Variants in LPAR1 observed in about 807,000 individuals in gnomAD.
The protein encoded by LPAR1 is lysophosphatidic acid receptor 1.
Under a neutral mutation model 23.8 loss-of-function variants are expected in LPAR1, and 5 were observed. That is an observed-to-expected ratio of 0.21 (90% CI 0.11 to 0.44). The LOEUF is 0.44. Among genes scored for constraint, LPAR1 ranks in the 20% least tolerant of loss-of-function variants. The pLI, the probability that LPAR1 is intolerant of heterozygous loss-of-function variation, is 0.99. For missense variants in LPAR1, 311 were observed against 482.8 expected (o/e 0.64, Z 3.33); for synonymous variants, 160 against 164.7 (o/e 0.97, Z 0.22).
At chr9:110,899,626 C>T (rs1401862246) in intron 5 of LPAR1, among the ~76,000 whole-genome samples, 1 of 152,130 alleles carries the variant, frequency 6.6e-6, no homozygotes, top group Non-Finnish European at 1.5e-5. Flanking sequence ...AATGTGTACA[C>T]GAATCACCCA....
chr9:111,005,575 A>AAAAAAAAAG (rs1564316925), intron 2 of LPAR1, among the ~76,000 whole-genome samples: 8 of 131,534 alleles, frequency 6.1e-5, no homozygotes, highest in African/African-American at 2.6e-4. Flanking sequence ...AAAAAAAAAA[A>AAAAAAAAAG]AAGAAGAATT....
chr9:110,987,220 G>A (rs111465516), intron 2 of LPAR1, among the ~76,000 whole-genome samples: 1,672 of 152,114 alleles, frequency 0.011, 32 homozygotes, highest in African/African-American at 0.039. Flanking sequence ...TAAGCATCCA[G>A]TAATACAGTA....
intron 2 of LPAR1, among the ~76,000 whole-genome samples, chr9:110,977,834 GGGAA>G (rs2096587335): frequency 2.8e-5 from 3 of 108,616 alleles, no homozygotes; most frequent in Admixed American, 1.0e-4. Context: ...GAGGGAGGGA[GGGAA>G]GGAAGGAGGG....
rs1469950505 is a variant in LPAR1 at position 110,875,016 on chromosome 9, T to A, written c.*405A>T. On this transcript the variant is annotated 3_prime_UTR_variant, in exon 6 of 6. Coordinates refer to ENST00000683809, the MANE Select transcript of LPAR1 (RefSeq NM_001351411.2). ...ATAAACGTGTTTATTAAGTGAAACG[T>A]ATCCTTTAAAAATAAAAAAGGGAAG... 6.4e-6 allele frequency: 1 copy of A among 155,688 alleles called. No homozygotes were observed. Among genetic ancestry groups the A allele is most frequent in the African/African-American group, 2.4e-5 (1 of 41,582 alleles). 9.6% of individuals were successfully genotyped at this position (155,688 alleles called of 1,614,324 possible). A position where few individuals can be genotyped will look rare whatever the true frequency, so the allele number is the denominator to read the frequency against.
chr9:110,998,847 A>G (rs1588766692), intron 2 of LPAR1, among the ~76,000 whole-genome samples: 1 of 152,218 alleles, frequency 6.6e-6, no homozygotes, highest in African/African-American at 2.4e-5. Context: ...CGGAAAGGCA[A>G]TATCTAATGC....
At chr9:110,963,970 G>A (rs941692868) in intron 4 of LPAR1, among the ~76,000 whole-genome samples, 34 of 152,168 alleles carry the variant, frequency 2.2e-4, no homozygotes, top group Non-Finnish European at 1.3e-4. Flanking sequence ...CGAAATTATC[G>A]TGTGGCACTG....
At chr9:110,918,036 G>C (rs2766991) in intron 5 of LPAR1, among the ~76,000 whole-genome samples, 49,832 of 151,894 alleles carry the variant, frequency 0.33, 9,347 homozygotes, top group Non-Finnish European at 0.42. Context: ...CCAAGTAGCT[G>C]GGACAAGAGG....
chr9:111,015,476 G>A (rs898387932), intron 2 of LPAR1, among the ~76,000 whole-genome samples: 8 of 152,086 alleles, frequency 5.3e-5, no homozygotes, highest in African/African-American at 2.4e-5. Flanking sequence ...TCAACTTATA[G>A]GTAGAATCTT....
chr9:110,927,010 T>C (rs564938541), intron 5 of LPAR1, among the ~76,000 whole-genome samples: 1 of 152,334 alleles, frequency 6.6e-6, no homozygotes, highest in East Asian at 1.9e-4. Context: ...AAAATCAGCC[T>C]TTAAACAAGT....
intron 2 of LPAR1, among the ~76,000 whole-genome samples, chr9:110,986,076 T>A (rs2096775325): frequency 6.6e-6 from 1 of 152,128 alleles, no homozygotes; most frequent in African/African-American, 2.4e-5. Flanking sequence ...AGAGACAGAC[T>A]TCATTCTGCC....
intron 2 of LPAR1, among the ~76,000 whole-genome samples, chr9:111,024,119 C>G (rs1588914154): frequency 6.6e-6 from 1 of 152,012 alleles, no homozygotes; most frequent in Admixed American, 6.6e-5. Flanking sequence ...ATGCACAATG[C>G]ATACCACACC....
chr9:111,024,452 TTATA>T (rs1564370563), intron 2 of LPAR1, among the ~76,000 whole-genome samples: 1 of 147,526 alleles, frequency 6.8e-6, no homozygotes, highest in Admixed American at 6.8e-5. Flanking sequence ...TTATATATTT[TTATA>T]TATACATAAT....
chr9:110,993,030 G>A (rs1205963485), intron 2 of LPAR1, among the ~76,000 whole-genome samples: 2 of 152,108 alleles, frequency 1.3e-5, no homozygotes, highest in Non-Finnish European at 2.9e-5. Flanking sequence ...AAAGAAAAAC[G>A]CTATTTTACA....
intron 2 of LPAR1, among the ~76,000 whole-genome samples, chr9:110,994,970 T>C (rs761240760): frequency 1.3e-5 from 2 of 152,178 alleles, no homozygotes; most frequent in Non-Finnish European, 2.9e-5. Flanking sequence ...CAAGTTTAGC[T>C]GTGTTTTCAA....
chr9:111,037,320 C>A (rs1188273354), intron 1 of LPAR1, among the ~76,000 whole-genome samples: 1 of 152,134 alleles, frequency 6.6e-6, no homozygotes, highest in Non-Finnish European at 1.5e-5. Flanking sequence ...TGAAAAAATC[C>A]ACGGATTTCA....
chr9:111,006,355 A>G (rs2097218045), intron 2 of LPAR1, among the ~76,000 whole-genome samples: 1 of 152,200 alleles, frequency 6.6e-6, no homozygotes, highest in Admixed American at 6.5e-5. Flanking sequence ...AGGAAGAAAA[A>G]GAAACATACA....
At chr9:111,037,242 T>C (rs1462073552) in intron 1 of LPAR1, among the ~76,000 whole-genome samples, 1 of 152,214 alleles carries the variant, frequency 6.6e-6, no homozygotes, top group Non-Finnish European at 1.5e-5. Flanking sequence ...TATTTATGTT[T>C]ACCAATATCT....
chr9:110,898,716 C>G (rs1398529854), intron 5 of LPAR1, among the ~76,000 whole-genome samples: 1 of 152,208 alleles, frequency 6.6e-6, no homozygotes. Flanking sequence ...TCCTCATCTA[C>G]AAAATGAAGG....
At position 110,900,821 on chromosome 9, in the gene LPAR1, A is replaced by T. The variant is rs151157915; in HGVS notation, c.794-25099T>A. Among the ~76,000 whole-genome samples the T allele has an allele frequency of 1.2e-4, 19 of 152,326 alleles. No homozygotes were observed. In the East Asian group the frequency reaches 3.5e-3, roughly 28 times the overall value. On this transcript the variant is annotated intron_variant, in intron 5 of 5. Transcript: ENST00000683809. Reference sequence around the variant, plus strand: ...TCTTTTAGATTTATCTCAAAAGTGAAGGTAGTATTTGGCTACTTGAACCCT... The same window carrying T: ...TCTTTTAGATTTATCTCAAAAGTGATGGTAGTATTTGGCTACTTGAACCCT...
Sources: allele counts gnomAD v4.1 joint callset (sites outside exome capture counted in the v4.1 genomes callset), GRCh38; gene constraint gnomAD v4.1.1; transcripts MANE v1.5; gene names NCBI Gene and HGNC (gene_info 2026-07-23, HGNC 2026-07-21).